MGAT4C: variants seen among roughly 807,000 people sequenced by gnomAD.
MGAT4C encodes MGAT4 family member C, also known as alpha-1,3-mannosyl-glycoprotein 4-beta-N-acetylglucosaminyltransferase C.
A neutral mutation model predicts 40.1 loss-of-function variants in MGAT4C; 19 were observed. The ratio of observed to expected loss-of-function variants is 0.47; its 90% CI spans 0.33 to 0.70. The LOEUF is 0.70. Ranked by LOEUF, MGAT4C falls within the 30% of genes least tolerant of loss-of-function variation. The probability of loss-of-function intolerance (pLI) is 0.02; values close to 1 mark genes in which losing one functional copy is unlikely to be tolerated. For synonymous variants in MGAT4C, 181 were observed against 187.1 expected (o/e 0.97, Z 0.27); for missense variants, 491 against 563.2 (o/e 0.87, Z 1.30).
chr12:86,380,885 T>C (rs1196020762), intron 3 of MGAT4C, among the ~76,000 whole-genome samples: 1 of 152,196 alleles, frequency 6.6e-6, no homozygotes, highest in African/African-American at 2.4e-5. Context: ...AAAATAATTT[T>C]AAATGTTCTT....
rs60321690 is a variant in MGAT4C at position 86,132,791 on chromosome 12, C to CA, written c.-56-83069dup. ...TGGGCTACAGAGCGAGACTCCGTCTCAAAAAAAAAAAAAAAAAAAAAAGAA... is the reference window on the plus strand; with the variant it reads ...TGGGCTACAGAGCGAGACTCCGTCTCAAAAAAAAAAAAAAAAAAAAAAAGAA... On this transcript the variant is annotated intron_variant, in intron 1 of 4. Coordinates refer to ENST00000611864, the MANE Select transcript of MGAT4C (RefSeq NM_001351288.2). 3.3e-3 allele frequency among the ~76,000 whole-genome samples: 313 copies of CA among 93,608 alleles called. 1 individual carries two copies. The highest frequency in any genetic ancestry group is 7.1e-3 in the Middle Eastern group (1 of 140). 61.4% of individuals were successfully genotyped at this position (93,608 alleles called of 152,430 possible).
At chr12:86,525,134 T>C (rs1300793150) in intron 2 of MGAT4C, among the ~76,000 whole-genome samples, 2 of 152,200 alleles carry the variant, frequency 1.3e-5, no homozygotes, top group African/African-American at 4.8e-5. Flanking sequence ...AATCTCCACA[T>C]GTCAGAGGAG....
At chr12:86,187,785 G>C (rs534342463) in intron 1 of MGAT4C, among the ~76,000 whole-genome samples, 29 of 151,744 alleles carry the variant, frequency 1.9e-4, no homozygotes, top group Non-Finnish European at 3.7e-4. Flanking sequence ...AGGGCTCTAG[G>C]CTTGAACGTA....
At chr12:86,626,074 A>C (rs1433359252) in intron 2 of MGAT4C, among the ~76,000 whole-genome samples, 2 of 152,188 alleles carry the variant, frequency 1.3e-5, no homozygotes, top group African/African-American at 4.8e-5. Flanking sequence ...AGAATGGGGA[A>C]GTGGCTATAT....
intron 1 of MGAT4C, among the ~76,000 whole-genome samples, chr12:86,204,162 C>A (rs1331072860): frequency 6.6e-6 from 1 of 151,580 alleles, no homozygotes; most frequent in Non-Finnish European, 1.5e-5. Flanking sequence ...TTGAGAAATT[C>A]TTCCACAAGG....
At chr12:86,460,200 G>A (rs1233682891) in intron 2 of MGAT4C, among the ~76,000 whole-genome samples, 1 of 151,982 alleles carries the variant, frequency 6.6e-6, no homozygotes, top group Non-Finnish European at 1.5e-5. Context: ...ACCTCAAAAA[G>A]TACAAAAAAA....
chr12:86,487,182 G>T (rs1360286570), intron 2 of MGAT4C, among the ~76,000 whole-genome samples: 2 of 152,248 alleles, frequency 1.3e-5, no homozygotes, highest in East Asian at 3.9e-4. Flanking sequence ...AGTGTTTAAA[G>T]GGATCATTCT....
At chr12:86,556,742 G>A (rs1292966993) in intron 2 of MGAT4C, among the ~76,000 whole-genome samples, 1 of 152,060 alleles carries the variant, frequency 6.6e-6, no homozygotes, top group East Asian at 1.9e-4. Flanking sequence ...TTAAGTCACT[G>A]CATGTACTAG....
chr12:86,800,337 TC>T (rs776488421), intron 1 of MGAT4C, among the ~76,000 whole-genome samples: 14 of 151,948 alleles, frequency 9.2e-5, no homozygotes, highest in Non-Finnish European at 1.3e-4. Flanking sequence ...GCAGCTTCTT[TC>T]TTTTGTGCCT....
intron 2 of MGAT4C, among the ~76,000 whole-genome samples, chr12:86,608,571 C>G (rs1962128020): frequency 1.3e-5 from 2 of 152,164 alleles, no homozygotes; most frequent in Admixed American, 6.5e-5. Flanking sequence ...GATGCTGTCT[C>G]TAATAATGAC....
intron 3 of MGAT4C, among the ~76,000 whole-genome samples, chr12:86,377,831 T>C (rs1275142959): frequency 6.6e-6 from 1 of 152,130 alleles, no homozygotes; most frequent in Non-Finnish European, 1.5e-5. Context: ...ACTGAAATCC[T>C]ATACTCATGG....
At position 86,424,637 on chromosome 12, in the gene MGAT4C, C is replaced by T. The variant is rs1434998733; in HGVS notation, c.-120+10520G>A. ...GGGGATGGCTGGGCAGCATGAATAG[C>T]ATCTGCATTATAAATACTTATATAG... On this transcript the variant is annotated intron_variant, in intron 3 of 7. Transcript: ENST00000548651. 2.0e-5 allele frequency among the ~76,000 whole-genome samples: 3 copies of T among 152,236 alleles called. No homozygotes were observed. The South Asian group carries it at 6.2e-4, about 32-fold the overall frequency.
At chr12:86,370,945 A>G (rs1955702884) in intron 3 of MGAT4C, among the ~76,000 whole-genome samples, 1 of 149,864 alleles carries the variant, frequency 6.7e-6, no homozygotes, top group South Asian at 2.1e-4. Context: ...TACCATATCA[A>G]GATGATTTTA....
intron 1 of MGAT4C, among the ~76,000 whole-genome samples, chr12:86,081,118 T>G (rs751369265): frequency 1.5e-4 from 23 of 152,104 alleles, no homozygotes; most frequent in Non-Finnish European, 3.1e-4. Context: ...GTTTTAGCAT[T>G]CCATGTCTAA....
chr12:86,385,913 T>A lies in MGAT4C; in HGVS notation c.-120+49244A>T, dbSNP rs186606051. Among the ~76,000 whole-genome samples the A allele has an allele frequency of 3.4e-3, 523 of 152,250 alleles. 4 individuals are homozygous for A. The highest frequency in any genetic ancestry group is 0.012 in the African/African-American group (507 of 41,562). On this transcript the variant is annotated intron_variant, in intron 3 of 7. Coordinates refer to the MGAT4C transcript ENST00000548651. ...TGTTACCATTATTCTTATTCATCAG[T>A]AATTATTTTTTATTTTTTATTTATT...
At chr12:86,717,467 A>G (rs1456645813) in intron 2 of MGAT4C, among the ~76,000 whole-genome samples, 1 of 152,072 alleles carries the variant, frequency 6.6e-6, no homozygotes, top group Non-Finnish European at 1.5e-5. Flanking sequence ...TTGCCTTGCA[A>G]TTATCTTCAA....
In MGAT4C at chr12:86,592,536, A is replaced by C. The variant is rs57800082; in HGVS notation, c.-229+134673T>G. 3.0e-3 allele frequency among the ~76,000 whole-genome samples: 460 copies of C among 152,274 alleles called. 2 individuals carry two copies. Among genetic ancestry groups the C allele is most frequent in the African/African-American group, 0.011 (439 of 41,556 alleles). Reference sequence around the variant, plus strand: ...GTACATCTTCCAGAATCCACTTCCTATAGGTTTCTAATCAGATTTGTCAAT... The same window carrying C: ...GTACATCTTCCAGAATCCACTTCCTCTAGGTTTCTAATCAGATTTGTCAAT... On this transcript the variant is annotated intron_variant, in intron 2 of 7. Transcript: ENST00000548651.
chr12:86,330,518 G>C (rs966463071), intron 4 of MGAT4C, among the ~76,000 whole-genome samples: 3 of 152,110 alleles, frequency 2.0e-5, no homozygotes, highest in Non-Finnish European at 2.9e-5. Context: ...TATCTAATAA[G>C]TTTTTAGTAG....
chr12:86,756,694 T>C (rs11104069), intron 1 of MGAT4C, among the ~76,000 whole-genome samples: 19,812 of 152,158 alleles, frequency 0.13, 1,590 homozygotes, highest in Middle Eastern at 0.28. Context: ...TCTAAGTTGT[T>C]GCACTATTCT....
Sources: gnomAD v4.1 joint callset for allele counts (sites outside exome capture counted in the v4.1 genomes callset) on GRCh38, gnomAD v4.1.1 for gene constraint, MANE v1.5 for transcripts, NCBI Gene and HGNC (gene_info 2026-07-23, HGNC 2026-07-21) for gene names.